NEDD4L: variants seen among roughly 807,000 people sequenced by gnomAD.
NEDD4L encodes the protein NEDD4 like E3 ubiquitin protein ligase.
In NEDD4L, 54 loss-of-function variants were observed where a neutral mutation model predicts 148.9. The observed-to-expected ratio is 0.36, with a 90% confidence interval of 0.29 to 0.45. The LOEUF (loss-of-function observed/expected upper bound fraction) is 0.45. Among genes scored for constraint, NEDD4L ranks in the 20% least tolerant of loss-of-function variants. NEDD4L has a pLI of 1.00. For synonymous variants in NEDD4L, 433 were observed against 440.7 expected, an observed-to-expected ratio of 0.98 and a Z score of 0.22; for missense variants, 856 against 1,233.8, an observed-to-expected ratio of 0.69 and a Z score of 4.59.
Position 58,365,083 on chromosome 18 carries a change from G to T in NEDD4L, c.1833+750G>T, listed in dbSNP as rs530903821. Among the ~76,000 whole-genome samples, 12 of 152,254 alleles carry T rather than the reference G, an allele frequency of 7.9e-5. No homozygotes were observed. The South Asian group carries it at 2.5e-3, about 32-fold the overall frequency. On this transcript the variant is annotated intron_variant, in intron 20 of 30. Transcript: ENST00000400345. ...CTGGGCTCCATTGCCATCTCTCCCT[G>T]CCTCCTCCCCTCAGCTGGTTCCTCC...
At chr18:58,286,632 G>A (rs1397684325) in intron 5 of NEDD4L, among the ~76,000 whole-genome samples, 1 of 152,194 alleles carries the variant, frequency 6.6e-6, no homozygotes, top group South Asian at 2.1e-4. Flanking sequence ...GAGTAAGTCT[G>A]TCTCAGCTGA....
intron 1 of NEDD4L, among the ~76,000 whole-genome samples, chr18:58,048,798 C>T (rs889775762): frequency 4.6e-5 from 7 of 152,134 alleles, no homozygotes; most frequent in African/African-American, 1.4e-4. Context: ...CAGTGGCTGG[C>T]ATTATGTCCT....
At chr18:58,202,326 C>T (rs1301273565) in intron 2 of NEDD4L, among the ~76,000 whole-genome samples, 1 of 152,248 alleles carries the variant, frequency 6.6e-6, no homozygotes, top group South Asian at 2.1e-4. Flanking sequence ...CTCTCTTTCC[C>T]TCTGCCTATT....
intron 1 of NEDD4L, among the ~76,000 whole-genome samples, chr18:58,129,194 A>G (rs1195937249): frequency 6.6e-6 from 1 of 152,230 alleles, no homozygotes; most frequent in Non-Finnish European, 1.5e-5. Flanking sequence ...CAAGACACAA[A>G]GGGCTGACTG....
At chr18:58,390,831 C>T in intron 29 of NEDD4L, 89 bp downstream of exon 29, 1 of 868,358 alleles carries the variant, frequency 1.2e-6, no homozygotes, top group South Asian at 1.4e-5. Flanking sequence ...CGCCAGGCCT[C>T]TGCAGAAGGC....
At chr18:58,275,014 C>G (rs574531456) in intron 5 of NEDD4L, among the ~76,000 whole-genome samples, 59 of 152,174 alleles carry the variant, frequency 3.9e-4, no homozygotes, top group African/African-American at 1.4e-3. Context: ...TACAGTTAAC[C>G]CTTGAACAAA....
chr18:58,096,968 CTCTT>C (rs2084450273), intron 1 of NEDD4L, among the ~76,000 whole-genome samples: 1 of 152,264 alleles, frequency 6.6e-6, no homozygotes. Context: ...TCTATTTATT[CTCTT>C]TCTATTTTGC....
At chr18:58,390,373 T>G in intron 28 of NEDD4L, 2 of 325,792 alleles carry the variant, frequency 6.1e-6, no homozygotes, top group Non-Finnish European at 5.7e-6. Context: ...CACAGAAACA[T>G]GAGCTTGGTG....
At chr18:58,129,502 G>A (rs2031700226) in intron 1 of NEDD4L, among the ~76,000 whole-genome samples, 1 of 152,144 alleles carries the variant, frequency 6.6e-6, no homozygotes, top group Non-Finnish European at 1.5e-5. Flanking sequence ...ACCCAACTTG[G>A]TTTTCTACTT....
chr18:58,254,865 G>A (rs529982501), intron 5 of NEDD4L, among the ~76,000 whole-genome samples: 1 of 152,194 alleles, frequency 6.6e-6, no homozygotes, highest in East Asian at 1.9e-4. Flanking sequence ...TTTGTTACTT[G>A]TAGATCCTGC....
intron 1 of NEDD4L, among the ~76,000 whole-genome samples, chr18:58,144,742 T>G (rs2033923319): frequency 6.6e-6 from 1 of 152,002 alleles, no homozygotes; most frequent in African/African-American, 2.4e-5. Flanking sequence ...TACCGCACAG[T>G]TCATGTTTTA....
rs181859603 is a variant in NEDD4L at position 58,219,964 on chromosome 18, A to G, written c.123-25463A>G. ...TTCTTATTTTTTTAACCTTCCAGCTAGTGTGTAAATTGGAAACATTGTAGC... is the reference window on the plus strand; with the variant it reads ...TTCTTATTTTTTTAACCTTCCAGCTGGTGTGTAAATTGGAAACATTGTAGC... On this transcript the variant is annotated intron_variant, in intron 2 of 30. Transcript: ENST00000400345. Among the ~76,000 whole-genome samples, 32 of 152,320 alleles carry G rather than the reference A, an allele frequency of 2.1e-4. No homozygotes were observed. In the East Asian group the frequency reaches 5.0e-3, roughly 24 times the overall value.
rs570962723 is a variant in NEDD4L at position 58,137,158 on chromosome 18, G to A, written c.49-28630G>A. On this transcript the variant is annotated intron_variant, in intron 1 of 30. Coordinates refer to ENST00000400345, the MANE Select transcript of NEDD4L (RefSeq NM_001144967.3). ...CCATAGAAGCTCCACCATGATGGGC[G>A]CAGGGTTTCCTCTAGGCTGGAAGTT... 2.6e-5 allele frequency among the ~76,000 whole-genome samples: 4 copies of A among 152,306 alleles called. No individual in the cohort carries two copies. The South Asian group carries it at 6.2e-4, about 24-fold the overall frequency.
chr18:58,056,728 G>A (rs2082102184), intron 1 of NEDD4L, among the ~76,000 whole-genome samples: 1 of 151,968 alleles, frequency 6.6e-6, no homozygotes, highest in African/African-American at 2.4e-5. Flanking sequence ...CTACAGGCAT[G>A]TACCACCACA....
At chr18:58,284,811 G>A (rs2053653345) in intron 5 of NEDD4L, among the ~76,000 whole-genome samples, 2 of 152,132 alleles carry the variant, frequency 1.3e-5, no homozygotes, top group Admixed American at 1.3e-4. Flanking sequence ...ATGGTGCCGT[G>A]GGCACTATCA....
chr18:58,252,734 T>C (rs1249568142), intron 5 of NEDD4L, among the ~76,000 whole-genome samples: 5 of 152,162 alleles, frequency 3.3e-5, no homozygotes, highest in Non-Finnish European at 7.3e-5. Context: ...TTTTTAATTT[T>C]TTTTAGAGAG....
chr18:58,164,678 C>T (rs2036626641), intron 1 of NEDD4L, among the ~76,000 whole-genome samples: 1 of 152,202 alleles, frequency 6.6e-6, no homozygotes, highest in African/African-American at 2.4e-5. Context: ...ACCATGTTGG[C>T]CAGGCTGGTC....
Position 58,256,847 on chromosome 18 carries a change from A to G in NEDD4L, c.297+4793A>G, listed in dbSNP as rs1460329730. On this transcript the variant is annotated intron_variant, in intron 5 of 30. Transcript: ENST00000400345. This position sits in a 1 kb window ranked among gnomAD's most constrained non-coding sequence, Gnocchi z 5.2. ...GCTTACTCTGCGGCGTAACCAAAAT[A>G]AAACCTCACCCTCTGTTCCGGGAGT... is the stretch of plus-strand genomic sequence containing the variant. 1 of 1,190,338 alleles carries G rather than the reference A, an allele frequency of 8.4e-7. No individual in the cohort carries two copies. The highest frequency in any genetic ancestry group is 1.6e-5 in the African/African-American group (1 of 63,548). The allele number at this position is 1,190,338 out of a possible 1,614,324, so 73.7% of individuals were successfully genotyped here. A position where few individuals can be genotyped will look rare whatever the true frequency, so the allele number is the denominator to read the frequency against.
intron 1 of NEDD4L, among the ~76,000 whole-genome samples, chr18:58,136,853 C>T (rs1040746131): frequency 6.6e-5 from 10 of 152,144 alleles, no homozygotes; most frequent in Admixed American, 2.0e-4. Flanking sequence ...GTGGCCCAAC[C>T]AGTGTTGTAT....
Sources: gnomAD v4.1 joint callset for allele counts (sites outside exome capture counted in the v4.1 genomes callset) on GRCh38, gnomAD v4.1.1 for gene constraint, Gnocchi (gnomAD v3.1) non-coding constraint, MANE v1.5 for transcripts, NCBI Gene and HGNC (gene_info 2026-07-23, HGNC 2026-07-21) for gene names.